SSH2: variants seen among roughly 807,000 people sequenced by gnomAD.
The protein encoded by SSH2 is protein phosphatase Slingshot homolog 2.
A neutral mutation model predicts 135.2 loss-of-function variants in SSH2; 37 were observed. That is an observed-to-expected ratio of 0.27 (90% CI 0.21 to 0.36). The LOEUF is 0.36. Ranked by LOEUF, SSH2 falls within the 10% of genes least tolerant of loss-of-function variation. The pLI, the probability that SSH2 is intolerant of heterozygous loss-of-function variation, is 1.00. For synonymous variants in SSH2, 628 were observed against 646.2 expected (o/e 0.97, Z 0.43); for missense variants, 1,408 against 1,765.3 (o/e 0.80, Z 3.63).
intron 3 of SSH2, among the ~76,000 whole-genome samples, chr17:29,790,172 C>T (rs1031748029): frequency 3.9e-5 from 6 of 152,064 alleles, no homozygotes; most frequent in African/African-American, 1.2e-4. Context: ...TGCTTGTGCC[C>T]CCTGCTAATT....
rs1471323162 is a variant in SSH2 at position 29,631,754 on chromosome 17, TGA to T, written c.3438_3439del (p.Ser1146ArgfsTer33). 1 of 1,614,094 alleles carries T rather than the reference TGA, an allele frequency of 6.2e-7. No individual in the cohort carries two copies. Among genetic ancestry groups the T allele is most frequent in the African/African-American group, 1.3e-5 (1 of 74,920 alleles). On this transcript the variant is annotated frameshift_variant, in exon 16 of 16. Transcript: ENST00000540801. LOFTEE classifies it high-confidence loss of function. ...ACTGGCAGACAGTAAATGGGTTGTA[TGA>T]CTGACAAAAGGTGCTGCTGTCTCCA...
At chr17:29,856,594 A>G (rs1027901518) in intron 1 of SSH2, among the ~76,000 whole-genome samples, 3 of 152,152 alleles carry the variant, frequency 2.0e-5, no homozygotes, top group African/African-American at 7.2e-5. Flanking sequence ...AAACAAACAA[A>G]CAAAATCCCC....
chr17:29,877,936 T>G (rs1021448230), intron 1 of SSH2, among the ~76,000 whole-genome samples: 1 of 151,912 alleles, frequency 6.6e-6, no homozygotes. Flanking sequence ...AATTAAAAAA[T>G]TAGCCAGGCA....
intron 3 of SSH2, among the ~76,000 whole-genome samples, chr17:29,744,965 T>C (rs1237826622): frequency 6.6e-6 from 1 of 151,900 alleles, no homozygotes; most frequent in Non-Finnish European, 1.5e-5. Flanking sequence ...TTGTGTTGCC[T>C]GTGGGGATTT....
At chr17:29,653,167 T>C (rs1441971261) in intron 12 of SSH2, among the ~76,000 whole-genome samples, 1 of 152,192 alleles carries the variant, frequency 6.6e-6, no homozygotes, top group African/African-American at 2.4e-5. Flanking sequence ...AGTAACATTT[T>C]ACTTTGGGTA....
chr17:29,636,825 G>A (rs369969106), intron 14 of SSH2, 23 bp from the exon 15 acceptor site: 1 of 1,516,012 alleles, frequency 6.6e-7, no homozygotes, highest in Non-Finnish European at 9.0e-7. Context: ...TACACAGGAA[G>A]TATCTTAATC....
chr17:29,761,340 A>T, intron 3 of SSH2: 1 of 1,092,646 alleles, frequency 9.2e-7, no homozygotes, highest in Non-Finnish European at 1.1e-6. Flanking sequence ...CACGAGGCGC[A>T]GGCTGCGCGT....
At chr17:29,881,200 A>G (rs550399041) in intron 1 of SSH2, among the ~76,000 whole-genome samples, 1 of 152,354 alleles carries the variant, frequency 6.6e-6, no homozygotes, top group Admixed American at 6.5e-5. Flanking sequence ...GTGACTAAAG[A>G]GTTTTTAAAG....
At chr17:29,858,853 C>A (rs1342065615) in intron 1 of SSH2, among the ~76,000 whole-genome samples, 1 of 151,722 alleles carries the variant, frequency 6.6e-6, no homozygotes, top group East Asian at 1.9e-4. Flanking sequence ...GCCTAGATGG[C>A]AGAGCAAGAC....
In SSH2 at chr17:29,632,795, A is replaced by G; in HGVS notation, c.2399T>C (p.Leu800Ser). 1 of 1,614,158 alleles carries G rather than the reference A, an allele frequency of 6.2e-7. No homozygotes were observed. The highest frequency in any genetic ancestry group is 1.1e-5 in the South Asian group (1 of 91,082). Residue 800 changes from leucine (L) to serine (S), a missense_variant, in exon 16 of 16, where the codon TTA becomes TCA. Transcript: ENST00000540801. ...VGQIQLKGDI[L>S]PNPCHTPKKN... ...CTTTGGTGTATGGCATGGGTTGGGT[A>G]AGATGTCTCCTTTCAGTTGAATCTG...
chr17:29,896,377 T>C (rs1442290924), intron 1 of SSH2, among the ~76,000 whole-genome samples: 3 of 143,790 alleles, frequency 2.1e-5, no homozygotes, highest in Non-Finnish European at 3.0e-5. Flanking sequence ...ATGTATTTTA[T>C]ATACACATTT....
chr17:29,725,829 T>C (rs148305477), intron 3 of SSH2, among the ~76,000 whole-genome samples: 5,181 of 152,110 alleles, frequency 0.034, 130 homozygotes, highest in African/African-American at 0.064. Flanking sequence ...GATGGGTTGA[T>C]AGGTGCAGCA....
At chr17:29,871,711 A>T (rs1367707932) in intron 1 of SSH2, among the ~76,000 whole-genome samples, 9 of 152,336 alleles carry the variant, frequency 5.9e-5, no homozygotes. Context: ...AGAGATTATA[A>T]ATGTTTCCAA....
intron 1 of SSH2, among the ~76,000 whole-genome samples, chr17:29,868,600 T>G (rs1460045420): frequency 3.9e-5 from 6 of 152,084 alleles, no homozygotes; most frequent in Non-Finnish European, 8.8e-5. Context: ...TAGCTGGGCG[T>G]GGCAGCTTGT....
intron 6 of SSH2, among the ~76,000 whole-genome samples, chr17:29,681,331 CAAAAAAAAAAAAA>C (rs764461213): frequency 6.3e-4 from 9 of 14,358 alleles, no homozygotes; most frequent in East Asian, 2.3e-3. Context: ...GAGACTGTCT[CAAAAAAAAAAAAA>C]AAAAAAAAAA....
intron 6 of SSH2, among the ~76,000 whole-genome samples, chr17:29,678,874 C>A (rs2037844569): frequency 6.6e-6 from 1 of 151,714 alleles, no homozygotes; most frequent in South Asian, 2.1e-4. Context: ...GCCACCATGC[C>A]CGGCTAATTT....
intron 3 of SSH2, among the ~76,000 whole-genome samples, chr17:29,714,466 ATG>A (rs1360497019): frequency 1.3e-5 from 2 of 152,128 alleles, no homozygotes; most frequent in Non-Finnish European, 2.9e-5. Context: ...ACCCTTGGCA[ATG>A]TGTCTTTGAG....
chr17:29,894,986 G>C, intron 1 of SSH2, among the ~76,000 whole-genome samples: 1 of 149,382 alleles, frequency 6.7e-6, no homozygotes, highest in Admixed American at 6.9e-5. Flanking sequence ...GGCTCTTCAT[G>C]ATCTAGCCTC....
chr17:29,669,967 C>T (rs1156680120), intron 9 of SSH2, among the ~76,000 whole-genome samples: 3 of 150,454 alleles, frequency 2.0e-5, no homozygotes, highest in East Asian at 2.0e-4. Context: ...CTGCAACCTC[C>T]ACCTCTTGGA....
Sources: allele counts gnomAD v4.1 joint callset (sites outside exome capture counted in the v4.1 genomes callset), GRCh38; gene constraint gnomAD v4.1.1; transcripts MANE v1.5; gene names NCBI Gene and HGNC (gene_info 2026-07-23, HGNC 2026-07-21).